Variants in EML2 observed in about 807,000 individuals in gnomAD.
The protein encoded by EML2 is EMAP like 2.
In EML2, 59 loss-of-function variants were observed where a neutral mutation model predicts 84.7. The observed-to-expected ratio is 0.70, with a 90% CI of 0.56 to 0.86. EML2 has a LOEUF of 0.86. Ranked by LOEUF, EML2 falls within the 40% of genes least tolerant of loss-of-function variation. The pLI, the probability that EML2 is intolerant of heterozygous loss-of-function variation, is 0.00. For missense variants in EML2, 818 were observed against 855.6 expected (o/e 0.96, Z 0.55); for synonymous variants, 352 against 348.9 (o/e 1.01, Z -0.10).
In EML2 at chr19:45,621,552, C is replaced by T. The variant is rs1971705766; in HGVS notation, c.927G>A (p.Val309=). ...CCCGCCGATCACGGCCCCCTCCAGA[C>T]ACCAGCGTCCCGTCCCGCAGGGCGC... ...GLCALRDGTL[V]SGGGRDRRVV... is the part of the protein sequence containing the mutation. The change falls in exon 10 of 19, where the codon GTG becomes GTA. Residue 309 remains valine, a synonymous_variant. Coordinates refer to ENST00000245925, the MANE Select transcript of EML2 (RefSeq NM_012155.4). 8.1e-6 allele frequency: 13 copies of T among 1,612,916 alleles called. No homozygotes were observed. The highest frequency in any genetic ancestry group is 1.1e-5 in the Non-Finnish European group (13 of 1,179,982).
chr19:45,638,409 C>G (rs920489605), intron 3 of EML2, 96 bp downstream of exon 3: 2 of 1,573,524 alleles, frequency 1.3e-6, no homozygotes, highest in African/African-American at 2.7e-5. Flanking sequence ...ACGATCCTCC[C>G]AAAGTGCTGA....
At position 45,621,592 on chromosome 19, in the gene EML2, C is replaced by CCGCCGT; in HGVS notation, c.881_886dup (p.Asp294_Gly295dup). 4.3e-6 allele frequency: 7 copies of CCGCCGT among 1,611,264 alleles called. No homozygotes were observed. The highest frequency in any genetic ancestry group is 5.9e-6 in the Non-Finnish European group (7 of 1,179,796). On this transcript the variant is annotated inframe_insertion, in exon 10 of 19. Coordinates refer to ENST00000245925, the MANE Select transcript of EML2 (RefSeq NM_012155.4). ...CCGCAGGGCGCAGAGCCCAAACACGCCGCCGTCGTGGGCGCCCAGCACCGC... is the reference window on the plus strand; with the variant it reads ...CCGCAGGGCGCAGAGCCCAAACACGCCGCCGTCGCCGTCGTGGGCGCCCAGCACCGC...
chr19:45,639,711 C>G (rs1423564616), upstream of EML2, among the ~76,000 whole-genome samples: 1 of 152,020 alleles, frequency 6.6e-6, no homozygotes, highest in Non-Finnish European at 1.5e-5. Flanking sequence ...TAAGAGTACC[C>G]GGCCGGGCGC....
upstream of EML2, chr19:45,645,293 GA>G: frequency 6.5e-7 from 1 of 1,533,822 alleles, no homozygotes; most frequent in Non-Finnish European, 8.7e-7. Context: ...TCGCAGCAGC[GA>G]GGACGTGTCG....
intron 9 of EML2, among the ~76,000 whole-genome samples, chr19:45,622,294 A>G (rs73570958): frequency 0.041 from 6,182 of 151,774 alleles, 445 homozygotes; most frequent in African/African-American, 0.14. Flanking sequence ...CTATCTATCC[A>G]TCCATCACCC....
At chr19:45,643,580 C>A, upstream of EML2, 1 of 1,536,160 alleles carries the variant, frequency 6.5e-7, no homozygotes, top group Non-Finnish European at 8.7e-7. Context: ...TACTCATACC[C>A]AGACTCATTG....
upstream of EML2, among the ~76,000 whole-genome samples, chr19:45,644,317 G>A (rs1196047184): frequency 6.6e-6 from 1 of 152,152 alleles, no homozygotes; most frequent in Non-Finnish European, 1.5e-5. Flanking sequence ...ACACACAGCC[G>A]TTCAATGGAA....
chr19:45,632,069 A>G (rs1018712459), intron 6 of EML2, among the ~76,000 whole-genome samples: 1 of 146,398 alleles, frequency 6.8e-6, no homozygotes, highest in African/African-American at 2.5e-5. Flanking sequence ...TAATTTTTGT[A>G]TTTTCAGTAG....
chr19:45,632,498 A>ATTT (rs1568473739), intron 6 of EML2: 3 of 182,776 alleles, frequency 1.6e-5, no homozygotes, highest in East Asian at 3.1e-4. Context: ...TTTTTTTTTA[A>ATTT]AAAAAAGCCC....
In EML2 at chr19:45,609,544, C is replaced by A; in HGVS notation, c.*119G>T. The A allele has an allele frequency of 5.8e-6, 6 of 1,035,546 alleles. No homozygotes were observed. The highest frequency in any genetic ancestry group is 6.4e-6 in the Non-Finnish European group (5 of 778,554). 64.1% of individuals were successfully genotyped at this position (1,035,546 alleles called of 1,614,324 possible). Reference sequence around the variant, plus strand: ...AGACTTCTGTATGTCAGTCTACCCTCCCGCCCCCATAACCCCCTCTGCTAT... The same window carrying A: ...AGACTTCTGTATGTCAGTCTACCCTACCGCCCCCATAACCCCCTCTGCTAT... On this transcript the variant is annotated 3_prime_UTR_variant, in exon 19 of 19. Transcript: ENST00000245925.
At chr19:45,628,061 G>A (rs141085000) in intron 7 of EML2, among the ~76,000 whole-genome samples, 31 of 149,286 alleles carry the variant, frequency 2.1e-4, no homozygotes, top group Non-Finnish European at 3.6e-4. Flanking sequence ...GGAAAACTCC[G>A]TCTCACAAAA....
At chr19:45,636,002 T>C (rs2122783007) in intron 3 of EML2, among the ~76,000 whole-genome samples, 1 of 152,214 alleles carries the variant, frequency 6.6e-6, no homozygotes, top group South Asian at 2.1e-4. Context: ...ATTATCAGAG[T>C]AGCCCCTAAA....
At chr19:45,639,412 A>G (rs1200790515), upstream of EML2, 30 of 1,251,866 alleles carry the variant, frequency 2.4e-5, no homozygotes, top group Non-Finnish European at 2.9e-5. Context: ...CCGGGGGTGG[A>G]GCCGGGACCG....
upstream of EML2, chr19:45,642,558 A>G (rs191068264): frequency 1.3e-4 from 171 of 1,357,172 alleles, no homozygotes; most frequent in Non-Finnish European, 1.6e-4. Context: ...CCATCCGCAC[A>G]CTCCTCTCTG....
intron 1 of EML2, 27 bp downstream of exon 1, chr19:45,639,329 TG>T (rs766875456): frequency 5.0e-5 from 67 of 1,343,198 alleles, no homozygotes; most frequent in South Asian, 1.3e-4. Context: ...GGAGAGGAGA[TG>T]GGGGGTGGTC....
At chr19:45,611,664 T>G (rs993433829) in intron 18 of EML2, among the ~76,000 whole-genome samples, 1 of 151,924 alleles carries the variant, frequency 6.6e-6, no homozygotes, top group African/African-American at 2.4e-5. Flanking sequence ...TTTTTTGCAT[T>G]TTTAGTAAAG....
In EML2 at chr19:45,638,627, G is replaced by A; in HGVS notation, c.57C>T (p.Gly19=). Residue 19 remains glycine, a synonymous_variant, in exon 3 of 19, where the codon GGC becomes GGT. Coordinates refer to ENST00000245925, the MANE Select transcript of EML2 (RefSeq NM_012155.4). The part of the protein sequence containing the change: ...TKEVIFSVED[G]SVKMFLRGRP... ...GGCCCCTCAGGAACATTTTCACGGA[G>A]CCATCCTCTGCCAGGACACCCCCAG... 1.2e-6 allele frequency: 2 copies of A among 1,613,730 alleles called. No homozygotes were observed. Among genetic ancestry groups the A allele is most frequent in the Admixed American group, 1.7e-5 (1 of 59,996 alleles).
upstream of EML2, chr19:45,641,840 T>C: frequency 6.7e-7 from 1 of 1,494,476 alleles, no homozygotes; most frequent in Non-Finnish European, 8.9e-7. Context: ...CCTCTGCTGC[T>C]GGAGCTCAGG....
At chr19:45,643,041 A>G (rs939925425), upstream of EML2, among the ~76,000 whole-genome samples, 1 of 152,158 alleles carries the variant, frequency 6.6e-6, no homozygotes, top group Non-Finnish European at 1.5e-5. Flanking sequence ...TTTTATGACT[A>G]AGACGTTAAG....
Sources: allele counts gnomAD v4.1 joint callset (sites outside exome capture counted in the v4.1 genomes callset), GRCh38; gene constraint gnomAD v4.1.1; transcripts MANE v1.5; gene names NCBI Gene and HGNC (gene_info 2026-07-23, HGNC 2026-07-21).